Variants in CCDC149 observed in about 807,000 individuals in gnomAD.
CCDC149 encodes the protein coiled-coil domain-containing protein 149.
CCDC149 carries 45 observed loss-of-function variants against 59.9 expected under a neutral mutation model. The ratio of observed to expected loss-of-function variants is 0.75; its 90% CI spans 0.59 to 0.96. The LOEUF (loss-of-function observed/expected upper bound fraction) is 0.96. Ranked by LOEUF, CCDC149 falls within the 40% of genes least tolerant of loss-of-function variation. CCDC149 has a pLI of 0.00. For missense variants in CCDC149, 584 were observed against 664.7 expected, an observed-to-expected ratio of 0.88 and a Z score of 1.33; for synonymous variants, 245 against 260.6, an observed-to-expected ratio of 0.94 and a Z score of 0.58.
At chr4:24,884,546 A>C (rs1337959368) in intron 1 of CCDC149, among the ~76,000 whole-genome samples, 1 of 152,234 alleles carries the variant, frequency 6.6e-6, no homozygotes, top group Non-Finnish European at 1.5e-5. Context: ...ACTACAGTAC[A>C]CTAAACACTT....
At chr4:24,855,495 G>C (rs993285034) in intron 3 of CCDC149, among the ~76,000 whole-genome samples, 1 of 151,364 alleles carries the variant, frequency 6.6e-6, no homozygotes, top group Non-Finnish European at 1.5e-5. Flanking sequence ...GAACTGGGAT[G>C]GTGGAGATGG....
intron 4 of CCDC149, among the ~76,000 whole-genome samples, chr4:24,849,641 GAAC>G (rs1392706058): frequency 1.3e-5 from 2 of 152,168 alleles, no homozygotes; most frequent in East Asian, 3.8e-4. Flanking sequence ...GGCTCTAGCT[GAAC>G]AAATGGAAAA....
At position 24,954,175 on chromosome 4, in the gene CCDC149, A is replaced by T. The variant is rs375202708; in HGVS notation, c.-65+25894T>A. On this transcript the variant is annotated intron_variant, in intron 1 of 12. Transcript: ENST00000389609. ...TTAATATAAACATCCAAGAAGCTCA[A>T]CAAGCTCCAAGTAGGATAAACTTAG... is the stretch of plus-strand genomic sequence containing the variant. 1.0e-3 allele frequency among the ~76,000 whole-genome samples: 155 copies of T among 152,356 alleles called. 3 individuals are homozygous for T. The South Asian group carries it at 0.019, about 19-fold the overall frequency.
chr4:24,978,075 T>TG (rs1280478837), intron 1 of CCDC149, among the ~76,000 whole-genome samples: 1 of 152,186 alleles, frequency 6.6e-6, no homozygotes, highest in African/African-American at 2.4e-5. Flanking sequence ...GGGGCTGCAC[T>TG]GACCTATATT....
At chr4:24,961,520 T>G (rs530276721) in intron 1 of CCDC149, among the ~76,000 whole-genome samples, 95 of 152,106 alleles carry the variant, frequency 6.2e-4, no homozygotes, top group Non-Finnish European at 9.6e-4. Flanking sequence ...TAAGCCAAAA[T>G]AACAAAGCTG....
intron 1 of CCDC149, among the ~76,000 whole-genome samples, chr4:24,952,656 T>C (rs1723350235): frequency 1.3e-5 from 1 of 79,980 alleles, no homozygotes; most frequent in African/African-American, 4.5e-5. Flanking sequence ...TATATATATA[T>C]ATATATATAG....
chr4:24,871,405 T>G (rs1392460152), intron 3 of CCDC149, among the ~76,000 whole-genome samples: 4 of 152,214 alleles, frequency 2.6e-5, no homozygotes, highest in African/African-American at 9.6e-5. Flanking sequence ...AAATCATTCC[T>G]GGGTTGCTAT....
At chr4:24,976,481 G>A (rs534739305) in intron 1 of CCDC149, among the ~76,000 whole-genome samples, 1 of 152,324 alleles carries the variant, frequency 6.6e-6, no homozygotes, top group Admixed American at 6.5e-5. Flanking sequence ...GGGAGGCTGA[G>A]GCTGGCGAAT....
intron 12 of CCDC149, among the ~76,000 whole-genome samples, chr4:24,811,074 A>C (rs1022047833): frequency 6.6e-6 from 1 of 152,212 alleles, no homozygotes; most frequent in Non-Finnish European, 1.5e-5. Context: ...TATGCACTAA[A>C]AATTGTAGGT....
chr4:24,918,832 G>A (rs1722206115), intron 1 of CCDC149, among the ~76,000 whole-genome samples: 1 of 152,202 alleles, frequency 6.6e-6, no homozygotes, highest in Admixed American at 6.5e-5. Context: ...CAAAGTGGGA[G>A]TGATCTGATC....
intron 1 of CCDC149, among the ~76,000 whole-genome samples, chr4:24,956,292 C>A (rs1178202168): frequency 6.6e-6 from 1 of 151,966 alleles, no homozygotes; most frequent in Non-Finnish European, 1.5e-5. Flanking sequence ...AGTTCCAACT[C>A]ACCCTCTCAG....
At chr4:24,882,202 A>G (rs1272440172) in intron 1 of CCDC149, among the ~76,000 whole-genome samples, 6 of 151,932 alleles carry the variant, frequency 3.9e-5, no homozygotes, top group Non-Finnish European at 7.4e-5. Context: ...AGGAAGATGG[A>G]AAAAAAAAGT....
At chr4:24,867,739 C>T (rs1229130093) in intron 3 of CCDC149, among the ~76,000 whole-genome samples, 1 of 152,154 alleles carries the variant, frequency 6.6e-6, no homozygotes, top group Non-Finnish European at 1.5e-5. Context: ...AGAATAAGAA[C>T]CACTGGTCCA....
chr4:24,930,716 C>G (rs1722562983), intron 1 of CCDC149, among the ~76,000 whole-genome samples: 1 of 152,166 alleles, frequency 6.6e-6, no homozygotes, highest in African/African-American at 2.4e-5. Context: ...AGTTGTCATA[C>G]TGAGATATTA....
At chr4:24,953,762 T>C (rs775144733) in intron 1 of CCDC149, among the ~76,000 whole-genome samples, 14 of 152,146 alleles carry the variant, frequency 9.2e-5, no homozygotes, top group Admixed American at 6.6e-5. Context: ...GCCTTAAAGA[T>C]TCTCAAAGAA....
intron 6 of CCDC149, among the ~76,000 whole-genome samples, chr4:24,836,919 T>C (rs1716573706): frequency 6.6e-6 from 1 of 152,222 alleles, no homozygotes; most frequent in Admixed American, 6.5e-5. Flanking sequence ...ATTCATTTTC[T>C]TATTCTTTTC....
At chr4:24,962,890 AT>A (rs1225149526) in intron 1 of CCDC149, among the ~76,000 whole-genome samples, 2 of 150,384 alleles carry the variant, frequency 1.3e-5, no homozygotes, top group Non-Finnish European at 3.0e-5. Context: ...TAATAAAAAA[AT>A]AAAATAAATT....
At chr4:24,905,146 G>A (rs1312469481) in intron 1 of CCDC149, among the ~76,000 whole-genome samples, 3 of 151,730 alleles carry the variant, frequency 2.0e-5, no homozygotes, top group South Asian at 2.1e-4. Flanking sequence ...ATGATCCACC[G>A]CCGTGGCCTC....
chr4:24,921,760 GT>G (rs1722301183), intron 1 of CCDC149, among the ~76,000 whole-genome samples: 2 of 152,202 alleles, frequency 1.3e-5, no homozygotes, highest in African/African-American at 4.8e-5. Flanking sequence ...AAGCTGAGGA[GT>G]TTAAAGAGTT....
Sources: allele counts gnomAD v4.1 joint callset (sites outside exome capture counted in the v4.1 genomes callset), GRCh38; gene constraint gnomAD v4.1.1; transcripts MANE v1.5; gene names NCBI Gene and HGNC (gene_info 2026-07-23, HGNC 2026-07-21).